BANK1: variants seen among roughly 807,000 people sequenced by gnomAD.
BANK1 encodes the protein B-cell scaffold protein with ankyrin repeats.
BANK1 carries 95 observed loss-of-function variants against 94.5 expected under a neutral mutation model. The observed-to-expected ratio is 1.00, with a 90% CI of 0.85 to 1.19. BANK1 has a LOEUF of 1.19. Among genes scored for constraint, BANK1 ranks in the 50% most tolerant of loss-of-function variants. BANK1 has a pLI of 0.00. For missense variants in BANK1, 987 were observed against 932.2 expected (o/e 1.06, Z -0.77); for synonymous variants, 334 against 308.4 (o/e 1.08, Z -0.87).
At chr4:101,928,530 T>G (rs551202410) in intron 7 of BANK1, among the ~76,000 whole-genome samples, 4 of 151,866 alleles carry the variant, frequency 2.6e-5, no homozygotes, top group Admixed American at 1.3e-4. Context: ...GCAAGAACAC[T>G]TCTCCCTTTG....
rs751653833 is a variant in BANK1 at position 102,025,431 on chromosome 4, A to G, written c.1516A>G (p.Ser506Gly). The change falls in exon 9 of 17, where the codon AGC becomes GGC. Residue 506 changes from serine (S) to glycine (G), a missense_variant. Physicochemically the swap from Ser to Gly is moderately conservative, Grantham distance 56. Transcript: ENST00000322953. ...PENNSQEPLM[S>G]SRPPLPPPRP... The stretch of plus-strand genomic sequence containing the variant: ...AAATAATTCACAAGAGCCACTCATG[A>G]GCAGCAGACCTCCTCTCCCCCCGCC... The G allele has an allele frequency of 6.2e-7, 1 of 1,614,128 alleles. No homozygotes were observed. Among genetic ancestry groups the G allele is most frequent in the Admixed American group, 1.7e-5 (1 of 60,020 alleles).
chr4:102,011,242 A>G (rs1305884683), intron 7 of BANK1, among the ~76,000 whole-genome samples: 1 of 152,252 alleles, frequency 6.6e-6, no homozygotes, highest in Non-Finnish European at 1.5e-5. Context: ...AAGTTTGCTT[A>G]AGGCATTCAC....
chr4:101,991,358 A>G (rs1725699327), intron 7 of BANK1, among the ~76,000 whole-genome samples: 2 of 152,262 alleles, frequency 1.3e-5, no homozygotes. Context: ...CTTGCAAGAT[A>G]AATACTACTA....
At chr4:101,822,917 C>A (rs977376920) in intron 1 of BANK1, among the ~76,000 whole-genome samples, 1 of 152,082 alleles carries the variant, frequency 6.6e-6, no homozygotes, top group East Asian at 1.9e-4. Flanking sequence ...GTCTGGCCAC[C>A]ACATTTTCTT....
At chr4:102,035,145 T>C (rs550073503) in intron 10 of BANK1, among the ~76,000 whole-genome samples, 3 of 152,214 alleles carry the variant, frequency 2.0e-5, no homozygotes, top group Non-Finnish European at 4.4e-5. Context: ...ATCAGTCTAC[T>C]GATTCCTAAA....
At chr4:101,986,867 GTGTGTA>G (rs1578437901) in intron 7 of BANK1, among the ~76,000 whole-genome samples, 28 of 62,926 alleles carry the variant, frequency 4.4e-4, no homozygotes, top group East Asian at 2.0e-3. Context: ...ATATATATAT[GTGTGTA>G]TGTGTGTGTG....
At chr4:102,065,440 T>C (rs534010245) in intron 13 of BANK1, among the ~76,000 whole-genome samples, 151 of 152,262 alleles carry the variant, frequency 9.9e-4, no homozygotes, top group Admixed American at 4.7e-3. Flanking sequence ...TTGAGTTGCC[T>C]ACTAAAACGA....
chr4:101,905,727 T>C (rs1722427167), intron 6 of BANK1, among the ~76,000 whole-genome samples: 2 of 152,138 alleles, frequency 1.3e-5, no homozygotes, highest in Non-Finnish European at 2.9e-5. Context: ...GGCCTTGATA[T>C]AATCAACTAA....
In BANK1 at chr4:101,826,156, C is replaced by A. The variant is rs138220313; in HGVS notation, c.71-3652C>A. On this transcript the variant is annotated intron_variant, in intron 1 of 16. Transcript: ENST00000322953. ...TTTCCTCTTTCTCCTTGGTAGGAAC[C>A]CAGACTCCCAGTAAGCCTTCACATA... is the stretch of plus-strand genomic sequence containing the variant. Among the ~76,000 whole-genome samples the A allele has an allele frequency of 7.6e-4, 115 of 152,070 alleles. No individual in the cohort carries two copies. In the East Asian group the frequency reaches 0.021, roughly 27 times the overall value.
At chr4:102,025,580 T>C in intron 9 of BANK1, 71 bp downstream of exon 9, 4 of 1,416,320 alleles carry the variant, frequency 2.8e-6, no homozygotes, top group South Asian at 1.3e-5. Context: ...TAGCAAATAG[T>C]GCAGTGGCAA....
intron 1 of BANK1, among the ~76,000 whole-genome samples, chr4:101,821,688 C>T (rs757930105): frequency 2.0e-4 from 30 of 151,562 alleles, no homozygotes; most frequent in Admixed American, 2.0e-3. Flanking sequence ...TTTTTTGAAT[C>T]GAGGAGGGAT....
intron 7 of BANK1, among the ~76,000 whole-genome samples, chr4:102,005,256 A>T (rs149084297): frequency 3.9e-5 from 6 of 152,242 alleles, no homozygotes; most frequent in African/African-American, 1.4e-4. Context: ...TAATCTATGA[A>T]TTCTCTTAAT....
chr4:101,875,467 C>A (rs953764059), intron 5 of BANK1, among the ~76,000 whole-genome samples: 7 of 152,040 alleles, frequency 4.6e-5, no homozygotes, highest in African/African-American at 1.7e-4. Flanking sequence ...GAAGGGGAAG[C>A]AAGGTACATT....
At chr4:101,933,182 A>G (rs940660270) in intron 7 of BANK1, among the ~76,000 whole-genome samples, 1 of 151,530 alleles carries the variant, frequency 6.6e-6, no homozygotes, top group South Asian at 2.1e-4. Context: ...ACAATGGCCC[A>G]TGGTAGGGAT....
At chr4:101,897,458 G>A (rs1722124687) in intron 6 of BANK1, among the ~76,000 whole-genome samples, 1 of 151,928 alleles carries the variant, frequency 6.6e-6, no homozygotes, top group African/African-American at 2.4e-5. Flanking sequence ...TGAGACAATT[G>A]TGGCCCCTTA....
chr4:101,925,172 A>G (rs904331394), intron 7 of BANK1, among the ~76,000 whole-genome samples: 30 of 151,670 alleles, frequency 2.0e-4, no homozygotes, highest in African/African-American at 7.3e-4. Context: ...TTGAATATCT[A>G]TTCTCACTTT....
At chr4:101,814,613 C>G (rs1414193790) in intron 1 of BANK1, among the ~76,000 whole-genome samples, 2 of 152,104 alleles carry the variant, frequency 1.3e-5, no homozygotes, top group Non-Finnish European at 2.9e-5. Context: ...ATAATACTGC[C>G]TGTGGTATGG....
chr4:101,992,057 A>C (rs1725727756), intron 7 of BANK1, among the ~76,000 whole-genome samples: 1 of 152,192 alleles, frequency 6.6e-6, no homozygotes, highest in South Asian at 2.1e-4. Context: ...CAATTTGCAG[A>C]TGAAAAATAG....
At chr4:101,850,513 C>T (rs1360437177) in intron 2 of BANK1, among the ~76,000 whole-genome samples, 1 of 151,616 alleles carries the variant, frequency 6.6e-6, no homozygotes, top group Non-Finnish European at 1.5e-5. Context: ...GAACTCTTGA[C>T]CTCAAGTGAT....
Sources: gnomAD v4.1 joint callset for allele counts (sites outside exome capture counted in the v4.1 genomes callset) on GRCh38, gnomAD v4.1.1 for gene constraint, MANE v1.5 for transcripts, NCBI Gene and HGNC (gene_info 2026-07-23, HGNC 2026-07-21) for gene names.